Variants in GALNTL6 observed in about 807,000 individuals in gnomAD.
The protein encoded by GALNTL6 is polypeptide N-acetylgalactosaminyltransferase-like 6.
A neutral mutation model predicts 73.7 loss-of-function variants in GALNTL6; 46 were observed. That is an observed-to-expected ratio of 0.62 (90% CI 0.49 to 0.80). GALNTL6 has a LOEUF of 0.80. Ranked by LOEUF, GALNTL6 falls within the 30% of genes least tolerant of loss-of-function variation. GALNTL6 has a pLI of 0.00. For missense variants in GALNTL6, 604 were observed against 755.0 expected (o/e 0.80, Z 2.34); for synonymous variants, 259 against 263.7 (o/e 0.98, Z 0.17).
chr4:172,925,719 C>G (rs1484219428), intron 8 of GALNTL6, among the ~76,000 whole-genome samples: 3 of 152,112 alleles, frequency 2.0e-5, no homozygotes, highest in African/African-American at 7.2e-5. Context: ...CAGATTCTTC[C>G]CCTGAGGCTC....
At chr4:172,833,310 A>G (rs141441196) in intron 7 of GALNTL6, among the ~76,000 whole-genome samples, 1 of 152,286 alleles carries the variant, frequency 6.6e-6, no homozygotes, top group East Asian at 1.9e-4. Context: ...AAAAACTGCA[A>G]TTTAAGGGAG....
chr4:172,785,704 T>C (rs904286584), intron 5 of GALNTL6, among the ~76,000 whole-genome samples: 14 of 152,180 alleles, frequency 9.2e-5, no homozygotes, highest in African/African-American at 3.4e-4. Context: ...CTTTCTAAGA[T>C]TAAATTCATG....
At chr4:172,107,982 G>A (rs1732733663) in intron 2 of GALNTL6, among the ~76,000 whole-genome samples, 1 of 152,132 alleles carries the variant, frequency 6.6e-6, no homozygotes, top group Non-Finnish European at 1.5e-5. Flanking sequence ...TAGGTTTTTA[G>A]TCAAGGATCT....
intron 2 of GALNTL6, among the ~76,000 whole-genome samples, chr4:171,888,285 T>C (rs1332079780): frequency 1.3e-5 from 2 of 151,282 alleles, no homozygotes; most frequent in Non-Finnish European, 2.9e-5. Flanking sequence ...AAATATATTA[T>C]GTTGGGGGAT....
chr4:171,911,920 G>T (rs1461052334), intron 2 of GALNTL6, among the ~76,000 whole-genome samples: 1 of 151,902 alleles, frequency 6.6e-6, no homozygotes, highest in Non-Finnish European at 1.5e-5. Context: ...TTTAATTATT[G>T]GTAATTGGAG....
chr4:172,982,442 C>G (rs888182886), intron 10 of GALNTL6, among the ~76,000 whole-genome samples: 1 of 152,204 alleles, frequency 6.6e-6, no homozygotes, highest in Non-Finnish European at 1.5e-5. Context: ...CTTCACATTT[C>G]CTCTAGAATT....
chr4:172,138,592 C>T (rs28458891), intron 2 of GALNTL6, among the ~76,000 whole-genome samples: 48,318 of 122,412 alleles, frequency 0.39, 9,697 homozygotes, highest in Admixed American at 0.42. Context: ...TGCAGTGGCG[C>T]GATCTCGGCT....
At chr4:172,882,032 A>G (rs147661662) in intron 7 of GALNTL6, among the ~76,000 whole-genome samples, 4 of 152,126 alleles carry the variant, frequency 2.6e-5, no homozygotes, top group Non-Finnish European at 5.9e-5. Context: ...CCAAAAAAAA[A>G]AAAATAAACA....
chr4:172,773,783 A>C (rs938831890), intron 5 of GALNTL6, among the ~76,000 whole-genome samples: 1 of 152,222 alleles, frequency 6.6e-6, no homozygotes, highest in Middle Eastern at 3.2e-3. Flanking sequence ...ATTCAAATCT[A>C]TTTGAAACAA....
chr4:172,365,248 G>C (rs887325322), intron 5 of GALNTL6, among the ~76,000 whole-genome samples: 1 of 152,072 alleles, frequency 6.6e-6, no homozygotes, highest in African/African-American at 2.4e-5. Flanking sequence ...TGGTCAGAGG[G>C]GAGGTAATCT....
intron 2 of GALNTL6, among the ~76,000 whole-genome samples, chr4:172,045,900 T>C (rs1742207191): frequency 6.6e-6 from 1 of 152,064 alleles, no homozygotes; most frequent in East Asian, 1.9e-4. Context: ...TCTGCTTCTA[T>C]GAGTTTGATT....
At chr4:172,252,445 A>G (rs1295325534) in intron 3 of GALNTL6, among the ~76,000 whole-genome samples, 1 of 152,182 alleles carries the variant, frequency 6.6e-6, no homozygotes, top group African/African-American at 2.4e-5. Context: ...AATATTCTGC[A>G]AAGAATTCTA....
At chr4:172,396,345 A>G (rs1040585163) in intron 5 of GALNTL6, among the ~76,000 whole-genome samples, 1 of 137,466 alleles carries the variant, frequency 7.3e-6, no homozygotes, top group Admixed American at 7.5e-5. Flanking sequence ...CTAAGCCTTT[A>G]TATTCTACGT....
intron 2 of GALNTL6, among the ~76,000 whole-genome samples, chr4:172,022,807 T>G (rs929793076): frequency 6.6e-6 from 1 of 152,000 alleles, no homozygotes; most frequent in African/African-American, 2.4e-5. Context: ...CAACCTGACA[T>G]TATTATAAAT....
intron 5 of GALNTL6, among the ~76,000 whole-genome samples, chr4:172,557,631 T>G (rs991238026): frequency 6.6e-6 from 1 of 152,074 alleles, no homozygotes; most frequent in Non-Finnish European, 1.5e-5. Flanking sequence ...AATAAACATA[T>G]GAAAAATTAC....
At chr4:172,940,696 C>T (rs1462986082) in intron 9 of GALNTL6, among the ~76,000 whole-genome samples, 1 of 151,878 alleles carries the variant, frequency 6.6e-6, no homozygotes, top group Non-Finnish European at 1.5e-5. Flanking sequence ...TATTTAGAGA[C>T]AGGGTCTCAC....
intron 2 of GALNTL6, among the ~76,000 whole-genome samples, chr4:172,226,309 G>C (rs1400491123): frequency 6.6e-6 from 1 of 151,874 alleles, no homozygotes; most frequent in Non-Finnish European, 1.5e-5. Context: ...TCTTATTCCA[G>C]TCTTTCCCTC....
chr4:172,302,349 T>A (rs1429489197), intron 3 of GALNTL6, among the ~76,000 whole-genome samples: 1 of 152,142 alleles, frequency 6.6e-6, no homozygotes, highest in Non-Finnish European at 1.5e-5. Context: ...TGCTTTGGCT[T>A]AGGCCCAGTG....
Position 171,929,352 on chromosome 4 carries a change from G to T in GALNTL6, c.138+114634G>T, listed in dbSNP as rs55819738. 6.3e-3 allele frequency among the ~76,000 whole-genome samples: 963 copies of T among 152,102 alleles called. 15 individuals are homozygous for T. Among genetic ancestry groups the T allele is most frequent in the African/African-American group, 0.022 (920 of 41,494 alleles). On this transcript the variant is annotated intron_variant, in intron 2 of 12. Coordinates refer to ENST00000506823, the MANE Select transcript of GALNTL6 (RefSeq NM_001034845.3). ...CTACCAAAGTGCTGGGATTTTAGAC[G>T]TGAGCCTCCATTTTATTTTATACAT...
Sources: allele counts gnomAD v4.1 joint callset (sites outside exome capture counted in the v4.1 genomes callset), GRCh38; gene constraint gnomAD v4.1.1; transcripts MANE v1.5; gene names NCBI Gene and HGNC (gene_info 2026-07-23, HGNC 2026-07-21).